ARSH: variants seen among roughly 807,000 people sequenced by gnomAD.
ARSH encodes arylsulfatase family member H.
ARSH carries 32 observed loss-of-function variants against 28.7 expected under a neutral mutation model. The observed-to-expected ratio is 1.11, with a 90% confidence interval of 0.84 to 1.50. The LOEUF is 1.50. Ranked by LOEUF, ARSH falls within the 40% of genes most tolerant of loss-of-function variation. The pLI is 0.00. For synonymous variants in ARSH, 176 were observed against 177.3 expected (o/e 0.99, Z 0.06); for missense variants, 440 against 452.4 (o/e 0.97, Z 0.25).
At chrX:3,018,030 C>A (rs1348300910) in intron 4 of ARSH, among the ~76,000 whole-genome samples, 1 of 112,300 alleles carries the variant, frequency 8.9e-6, no homozygotes, top group Non-Finnish European at 1.9e-5. Flanking sequence ...GACAGGGTCT[C>A]ACTGCGTTGC....
Position 3,033,083 on chromosome X carries a change from T to TGAAGG in ARSH, c.1387_1388insGAAGG (p.Tyr463Ter). ...CTACCCTGAAGGAACAGGTGCCTGC[T>TGAAGG]ATGGGAGTGGAATATGTTCATGTTC... On this transcript the variant is annotated stop_gained and frameshift_variant, in exon 9 of 9. Coordinates refer to ENST00000381130, the MANE Select transcript of ARSH (RefSeq NM_001011719.2). LOFTEE classifies it low-confidence loss of function (END_TRUNC). 5 of 1,211,391 alleles carry TGAAGG rather than the reference T, an allele frequency of 4.1e-6. No homozygotes were observed. The highest frequency in any genetic ancestry group is 5.6e-6 in the Non-Finnish European group (5 of 895,348).
chrX:3,029,032 C>T (rs113063149), intron 7 of ARSH, among the ~76,000 whole-genome samples: 54 of 105,864 alleles, frequency 5.1e-4, no homozygotes, highest in African/African-American at 1.8e-3. Flanking sequence ...GAGCAGAGAT[C>T]GCACCATTGC....
chrX:3,018,021 A>T (rs2089870616), intron 4 of ARSH, among the ~76,000 whole-genome samples: 1 of 112,435 alleles, frequency 8.9e-6, no homozygotes, highest in African/African-American at 3.2e-5. Flanking sequence ...TGTTGTTAAG[A>T]CAGGGTCTCA....
At chrX:3,029,101 A>G in intron 7 of ARSH, 146 bp from the exon 8 acceptor site, 1 of 635,038 alleles carries the variant, frequency 1.6e-6, no homozygotes, top group Non-Finnish European at 2.3e-6. Flanking sequence ...AAGAAAAAAG[A>G]AATTCTTCCT....
intron 1 of ARSH, among the ~76,000 whole-genome samples, chrX:3,007,100 C>G (rs967204825): frequency 2.8e-5 from 3 of 108,946 alleles, no homozygotes; most frequent in African/African-American, 1.0e-4. Flanking sequence ...AAAAAAAAAT[C>G]TACTGGGACA....
rs1475773290 is a variant in ARSH, at chrX:3,029,344, A to C, written c.1297A>C (p.Thr433Pro). The C allele has an allele frequency of 8.3e-7, 1 of 1,210,470 alleles. No homozygotes were observed. Residue 433 changes from threonine to proline, a missense_variant, in exon 8 of 9, where the codon ACG (threonine) becomes CCG (proline). Physicochemically the swap from Thr to Pro is conservative, Grantham distance 38 (BLOSUM62 -1). Transcript: ENST00000381130. ...LFHYCGVYLHTVRWHQKDCAT... is the reference protein window; with the variant it reads ...LFHYCGVYLHPVRWHQKDCAT... Reference sequence around the variant, plus strand: ...CCACTACTGTGGGGTCTATCTGCACACGGTCAGGTGGCATCAGAAGGACTG... The same window carrying C: ...CCACTACTGTGGGGTCTATCTGCACCCGGTCAGGTGGCATCAGAAGGACTG...
intron 5 of ARSH, 92 bp from the exon 6 acceptor site, chrX:3,023,929 A>G: frequency 9.8e-7 from 1 of 1,017,572 alleles, no homozygotes; most frequent in South Asian, 2.1e-5. Context: ...TTGAAACGCT[A>G]TGTGTAATAA....
In ARSH at chrX:3,027,465, T is replaced by A; in HGVS notation, c.1189T>A (p.Ser397Thr). 1 of 1,210,649 alleles carries A rather than the reference T, an allele frequency of 8.3e-7. No homozygotes were observed. The highest frequency in any genetic ancestry group is 1.8e-5 in the South Asian group (1 of 56,707). The change falls in exon 7 of 9, where the codon TCC (serine) becomes ACC (threonine). Residue 397 changes from serine to threonine, a missense_variant. Physicochemically the swap from Ser to Thr is moderately conservative, Grantham distance 58. Coordinates refer to ENST00000381130, the MANE Select transcript of ARSH (RefSeq NM_001011719.2). Reference sequence around the variant, plus strand: ...GTCTTATATAGGCGGAGGGATCTTGTCCCAGGACAGGTATGGAAACAGTGT... The same window carrying A: ...GTCTTATATAGGCGGAGGGATCTTGACCCAGGACAGGTATGGAAACAGTGT... ...TLSYIGGGIL[S>T]QDRVIDGQNL...
At position 3,033,775 on chromosome X, in the gene ARSH, T is replaced by A. The variant is rs1181666624; in HGVS notation, c.*390T>A. ...GGCATGCTAGCTTTCTAATAAATCA[T>A]GATAAGTACTTAATTTTTTCATGAA... On this transcript the variant is annotated 3_prime_UTR_variant, in exon 9 of 9. Transcript: ENST00000381130. Among the ~76,000 whole-genome samples the A allele has an allele frequency of 4.5e-5, 5 of 111,233 alleles. No homozygotes were observed. Among genetic ancestry groups the A allele is most frequent in the African/African-American group, 1.6e-4 (5 of 30,633 alleles).
Position 3,025,044 on chromosome X carries a change from T to C in ARSH, c.1036+889T>C, listed in dbSNP as rs755334140. 6.3e-5 allele frequency among the ~76,000 whole-genome samples: 7 copies of C among 110,291 alleles called. No individual in the cohort carries two copies. The East Asian group carries it at 2.0e-3, about 31-fold the overall frequency. On this transcript the variant is annotated intron_variant, in intron 6 of 8. Transcript: ENST00000381130. ...TTATATATGTATTTTCCTGGAGGTA[T>C]AATCACTATGTATATAAATTCACCG... is the stretch of plus-strand genomic sequence containing the variant.
chrX:3,031,540 A>T (rs1212069759), intron 8 of ARSH, among the ~76,000 whole-genome samples: 1 of 112,034 alleles, frequency 8.9e-6, no homozygotes, highest in Non-Finnish European at 1.9e-5. Context: ...CTTTATTTGC[A>T]GGAGGAATTT....
chrX:3,012,580 T>A (rs2089851714), intron 2 of ARSH, among the ~76,000 whole-genome samples: 3 of 18,232 alleles, frequency 1.6e-4, no homozygotes, highest in African/African-American at 8.1e-4. Context: ...TATATATATA[T>A]ATATATATAT....
chrX:3,033,474 G>T lies in ARSH; in HGVS notation c.*89G>T, dbSNP rs2089920791. Reference sequence around the variant, plus strand: ...TCACCTGACTGATTCATTCCATTTGGGATAAAAACTGATGGCCCAACCCAT... The same window carrying T: ...TCACCTGACTGATTCATTCCATTTGTGATAAAAACTGATGGCCCAACCCAT... On this transcript the variant is annotated 3_prime_UTR_variant, in exon 9 of 9. Coordinates refer to ENST00000381130, the MANE Select transcript of ARSH (RefSeq NM_001011719.2). 2 of 974,287 alleles carry T rather than the reference G, an allele frequency of 2.1e-6. No homozygotes were observed. The allele number at this position is 974,287 out of a possible 1,213,427, so 80.3% of individuals were successfully genotyped here.
Position 3,027,251 on chromosome X carries a change from T to G in ARSH, c.1037-62T>G, listed in dbSNP as rs2089901359. The G allele has an allele frequency of 2.6e-6, 3 of 1,162,762 alleles. No individual in the cohort carries two copies. In the Admixed American group the frequency reaches 6.7e-5, roughly 26 times the overall value. On this transcript the variant is annotated intron_variant, in intron 6 of 8. Coordinates refer to ENST00000381130, the MANE Select transcript of ARSH (RefSeq NM_001011719.2). ...CTGGGATTACAGGCGTGAGCCACCG[T>G]GCCCGGCCAATATGGTTGGGTTTTA...
At chrX:3,028,673 A>G (rs143432506) in intron 7 of ARSH, among the ~76,000 whole-genome samples, 1 of 112,044 alleles carries the variant, frequency 8.9e-6, no homozygotes, top group African/African-American at 3.2e-5. Context: ...ATTGTCTTGC[A>G]AGGTATCAGG....
Position 3,030,383 on chromosome X carries a change from A to G in ARSH, c.1321+1015A>G, listed in dbSNP as rs7051141. Among the ~76,000 whole-genome samples the G allele has an allele frequency of 6.6e-3, 734 of 111,526 alleles. 11 individuals carry two copies. The highest frequency in any genetic ancestry group is 0.022 in the African/African-American group (665 of 30,673). ...TATCAGCTTACTGTGTGAGAGTTAG[A>G]TAAAGGAGGTGGATGCTTGCATAGG... On this transcript the variant is annotated intron_variant, in intron 8 of 8. Coordinates refer to ENST00000381130, the MANE Select transcript of ARSH (RefSeq NM_001011719.2).
chrX:3,022,412 C>T (rs966724553), intron 5 of ARSH, among the ~76,000 whole-genome samples: 4 of 111,769 alleles, frequency 3.6e-5, no homozygotes, highest in Non-Finnish European at 7.5e-5. Context: ...TAGTATATGT[C>T]ACTTCTAAAA....
intron 3 of ARSH, among the ~76,000 whole-genome samples, chrX:3,014,141 C>G (rs1409969588): frequency 9.0e-6 from 1 of 111,181 alleles, no homozygotes; most frequent in Non-Finnish European, 1.9e-5. Flanking sequence ...GTGGCACGCA[C>G]CTATAGTCCC....
chrX:3,025,996 G>A (rs190880113), intron 6 of ARSH, among the ~76,000 whole-genome samples: 1 of 110,884 alleles, frequency 9.0e-6, no homozygotes, highest in East Asian at 2.8e-4. Context: ...TCAATGGATA[G>A]AGAGATTTAG....
Sources: allele counts gnomAD v4.1 joint callset (sites outside exome capture counted in the v4.1 genomes callset), GRCh38; gene constraint gnomAD v4.1.1; transcripts MANE v1.5; gene names NCBI Gene and HGNC (gene_info 2026-07-23, HGNC 2026-07-21).